PRKCH: variants seen among roughly 807,000 people sequenced by gnomAD.
The protein encoded by PRKCH is protein kinase C eta.
In PRKCH, 28 loss-of-function variants were observed where a neutral mutation model predicts 82.5. That is an observed-to-expected ratio of 0.34 (90% confidence interval 0.25 to 0.47). The LOEUF is 0.47. PRKCH is among the 20% of genes least tolerant of loss of function. The pLI, the probability that PRKCH is intolerant of heterozygous loss-of-function variation, is 1.00. For missense variants in PRKCH, 705 were observed against 881.8 expected (o/e 0.80, Z 2.54); for synonymous variants, 322 against 327.4 (o/e 0.98, Z 0.18).
intron 1 of PRKCH, chr14:61,322,883 C>T (rs1330144822): frequency 1.1e-5 from 2 of 179,524 alleles, no homozygotes; most frequent in Non-Finnish European, 2.4e-5. Flanking sequence ...GCCGTACATT[C>T]TCGCGAGTAT....
At chr14:61,235,365 G>C (rs2044779072) in intron 1 of PRKCH, among the ~76,000 whole-genome samples, 1 of 152,164 alleles carries the variant, frequency 6.6e-6, no homozygotes, top group African/African-American at 2.4e-5. Flanking sequence ...TCAGAGAGTG[G>C]CATCATTCCC....
At chr14:61,378,970 G>A (rs955541373) in intron 1 of PRKCH, among the ~76,000 whole-genome samples, 2 of 152,086 alleles carry the variant, frequency 1.3e-5, no homozygotes, top group African/African-American at 2.4e-5. Context: ...GTTATGTATC[G>A]GGATCTGACA....
chr14:61,320,680 C>A (rs2045606486), upstream of PRKCH, among the ~76,000 whole-genome samples: 1 of 152,308 alleles, frequency 6.6e-6, no homozygotes, highest in South Asian at 2.1e-4. Context: ...CCTCAGGGAG[C>A]AAGCTTTGCG....
At chr14:61,217,374 T>C (rs1173734100) in intron 1 of PRKCH, among the ~76,000 whole-genome samples, 2 of 152,048 alleles carry the variant, frequency 1.3e-5, no homozygotes, top group Non-Finnish European at 2.9e-5. Flanking sequence ...TTCATGCCAC[T>C]ACACTCCAGC....
At chr14:61,211,045 G>A (rs1033667839) in intron 1 of PRKCH, among the ~76,000 whole-genome samples, 1 of 152,150 alleles carries the variant, frequency 6.6e-6, no homozygotes, top group African/African-American at 2.4e-5. Context: ...AAGGCAAACT[G>A]GAGCCCACCT....
At chr14:61,473,351 A>G (rs921169245) in intron 9 of PRKCH, among the ~76,000 whole-genome samples, 6 of 152,176 alleles carry the variant, frequency 3.9e-5, no homozygotes, top group Non-Finnish European at 8.8e-5. Flanking sequence ...TGAGGGAGTA[A>G]CATAAGATTT....
chr14:61,355,182 G>GT (rs1295822887), intron 1 of PRKCH, among the ~76,000 whole-genome samples: 4 of 152,080 alleles, frequency 2.6e-5, no homozygotes, highest in Non-Finnish European at 5.9e-5. Context: ...TCTTACTTTT[G>GT]CCCATACTCT....
chr14:61,252,793 C>T (rs757146258), intron 1 of PRKCH, among the ~76,000 whole-genome samples: 4 of 152,216 alleles, frequency 2.6e-5, no homozygotes, highest in Non-Finnish European at 5.9e-5. Context: ...GTATACATTT[C>T]TCAAACATTG....
chr14:61,484,447 AC>A (rs1474375582), intron 9 of PRKCH, among the ~76,000 whole-genome samples: 3 of 151,778 alleles, frequency 2.0e-5, no homozygotes, highest in Admixed American at 2.0e-4. Context: ...GAGTGAGGAA[AC>A]CCATTTATCT....
rs528762482 is a variant in PRKCH, at chr14:61,215,540, A to G, written c.-19+27872A>G. ...AATCTCTCTCTCTCCCTCTTGACAT[A>G]TAAAAATATCCAATTGGTCTGTTTC... is the stretch of plus-strand genomic sequence containing the variant. On this transcript the variant is annotated intron_variant, in intron 1 of 3. Coordinates refer to the PRKCH transcript ENST00000555185. 1.9e-4 allele frequency among the ~76,000 whole-genome samples: 29 copies of G among 152,328 alleles called. No individual in the cohort carries two copies. The South Asian group carries it at 5.6e-3, about 29-fold the overall frequency.
chr14:61,394,317 C>T lies in PRKCH; in HGVS notation c.427+3029C>T, dbSNP rs146808009. Among the ~76,000 whole-genome samples, 206 of 151,966 alleles carry T rather than the reference C, an allele frequency of 1.4e-3. 1 individual carries two copies. Among genetic ancestry groups the T allele is most frequent in the African/African-American group, 4.7e-3 (196 of 41,422 alleles). ...ATTTGGGGGGGTGTTCTGCCTGCTC[C>T]AAGGTCTTTTTGCTTTGCTTGGTAT... On this transcript the variant is annotated intron_variant, in intron 2 of 13. Transcript: ENST00000332981.
At chr14:61,335,936 T>C (rs971943625) in intron 1 of PRKCH, among the ~76,000 whole-genome samples, 6 of 152,206 alleles carry the variant, frequency 3.9e-5, no homozygotes, top group Admixed American at 2.6e-4. Context: ...GTCAGCCAGA[T>C]TGGGGTTCAG....
chr14:61,469,310 G>T (rs527466386), intron 9 of PRKCH, among the ~76,000 whole-genome samples: 2 of 152,350 alleles, frequency 1.3e-5, no homozygotes, highest in South Asian at 4.1e-4. Flanking sequence ...GTGTACAGTA[G>T]ATAGCATGTA....
At chr14:61,536,199 C>T (rs1358012903) in intron 12 of PRKCH, among the ~76,000 whole-genome samples, 1 of 151,790 alleles carries the variant, frequency 6.6e-6, no homozygotes, top group Non-Finnish European at 1.5e-5. Context: ...TTGCCACAGA[C>T]AAAATTAACC....
At chr14:61,431,149 C>A (rs1300765279) in intron 2 of PRKCH, among the ~76,000 whole-genome samples, 1 of 148,206 alleles carries the variant, frequency 6.7e-6, no homozygotes, top group African/African-American at 2.5e-5. Context: ...TGGTGTATGA[C>A]CTTCCTCTAG....
intron 1 of PRKCH, among the ~76,000 whole-genome samples, chr14:61,269,858 G>C (rs1331731251): frequency 6.6e-6 from 1 of 152,212 alleles, no homozygotes; most frequent in Non-Finnish European, 1.5e-5. Context: ...CTGCAGTCAG[G>C]CTCCGGCCAC....
chr14:61,485,018 C>T (rs982828608), intron 9 of PRKCH, among the ~76,000 whole-genome samples: 2 of 151,938 alleles, frequency 1.3e-5, no homozygotes, highest in Non-Finnish European at 2.9e-5. Context: ...GCCACTGCAC[C>T]CGGCCTCCAC....
At chr14:61,418,085 C>T (rs180784292) in intron 2 of PRKCH, among the ~76,000 whole-genome samples, 27 of 152,334 alleles carry the variant, frequency 1.8e-4, no homozygotes, top group Admixed American at 1.2e-3. Flanking sequence ...CTAACATCTG[C>T]GCAGGTCTAT....
intron 10 of PRKCH, among the ~76,000 whole-genome samples, chr14:61,490,951 C>A (rs1176477268): frequency 1.3e-5 from 2 of 152,008 alleles, no homozygotes; most frequent in African/African-American, 2.4e-5. Context: ...AAAATGGTGT[C>A]TTGGGCCAGT....
Sources: allele counts gnomAD v4.1 joint callset (sites outside exome capture counted in the v4.1 genomes callset), GRCh38; gene constraint gnomAD v4.1.1; transcripts MANE v1.5; gene names NCBI Gene and HGNC (gene_info 2026-07-23, HGNC 2026-07-21).